APBA1: variants seen among roughly 807,000 people sequenced by gnomAD.
APBA1 encodes amyloid beta precursor protein binding family A member 1.
APBA1 carries 55 observed loss-of-function variants against 86.6 expected under a neutral mutation model. The ratio of observed to expected loss-of-function variants is 0.64; its 90% CI spans 0.51 to 0.80. The LOEUF is 0.80. APBA1 is among the 30% of genes least tolerant of loss of function. The pLI is 0.00. For synonymous variants in APBA1, 511 were observed against 493.9 expected, an observed-to-expected ratio of 1.03 and a Z score of -0.46; for missense variants, 1,090 against 1,183.0, an observed-to-expected ratio of 0.92 and a Z score of 1.15.
In APBA1 at chr9:69,516,679, C is replaced by T. The variant is rs1488264997; in HGVS notation, c.532G>A (p.Gly178Ser). 1.2e-6 allele frequency: 2 copies of T among 1,609,976 alleles called. No homozygotes were observed. The highest frequency in any genetic ancestry group is 1.3e-5 in the African/African-American group (1 of 74,896). Residue 178 changes from glycine (G) to serine (S), a missense_variant, in exon 2 of 13, where the codon GGT (glycine) becomes AGT (serine). Coordinates refer to ENST00000265381, the MANE Select transcript of APBA1 (RefSeq NM_001163.4). This position sits in a 1 kb window ranked among gnomAD's most constrained non-coding sequence, Gnocchi z 7.3. ...GGCTCGGAGTAGGGCTCGTCCTCAC[C>T]GCGGTGGAAGAGCCGGTGCGTGTAG... ...YVYTHRLFHR[G>S]EDEPYSEPYA...
intron 1 of APBA1, among the ~76,000 whole-genome samples, chr9:69,651,137 T>C (rs1279451290): frequency 1.3e-5 from 2 of 152,226 alleles, no homozygotes; most frequent in Non-Finnish European, 2.9e-5. Flanking sequence ...TTACAGATAT[T>C]TTGTAAAGTC....
At chr9:69,642,840 C>T (rs1564100692) in intron 1 of APBA1, among the ~76,000 whole-genome samples, 1 of 151,954 alleles carries the variant, frequency 6.6e-6, no homozygotes, top group Admixed American at 6.6e-5. Context: ...GGAATTCTCC[C>T]AGCAGACTGC....
At chr9:69,464,900 A>C (rs1430224253) in intron 5 of APBA1, 1 of 152,188 alleles carries the variant, frequency 6.6e-6, no homozygotes, top group East Asian at 1.9e-4. Context: ...CTAATAAACA[A>C]GGTGTCCCAA....
chr9:69,444,494 G>A (rs1834876301), intron 10 of APBA1, among the ~76,000 whole-genome samples: 1 of 152,202 alleles, frequency 6.6e-6, no homozygotes, highest in South Asian at 2.1e-4. Context: ...GAAGCCCTTT[G>A]CTGGCCCTTC....
At chr9:69,517,464 A>G (rs189696616) in intron 1 of APBA1, among the ~76,000 whole-genome samples, 185 bp from the exon 2 acceptor site, 2 of 152,286 alleles carry the variant, frequency 1.3e-5, no homozygotes, top group African/African-American at 2.4e-5. Context: ...TTGTAATTAC[A>G]TATCTACTTG....
At chr9:69,487,407 T>A (rs1835629648) in intron 2 of APBA1, among the ~76,000 whole-genome samples, 2 of 152,162 alleles carry the variant, frequency 1.3e-5, no homozygotes. Context: ...ACTGTCTCAG[T>A]TGCTGCAGGA....
At chr9:69,632,844 G>T (rs1321131820) in intron 1 of APBA1, among the ~76,000 whole-genome samples, 3 of 152,100 alleles carry the variant, frequency 2.0e-5, no homozygotes, top group Admixed American at 2.0e-4. Context: ...TGATCCAAAC[G>T]AATGATATTC....
At chr9:69,635,758 T>C (rs1036641907) in intron 1 of APBA1, among the ~76,000 whole-genome samples, 2 of 152,166 alleles carry the variant, frequency 1.3e-5, no homozygotes, top group African/African-American at 4.8e-5. Context: ...AAGGTCACTA[T>C]ATAATGATAA....
At chr9:69,577,481 A>T (rs897521987) in intron 1 of APBA1, among the ~76,000 whole-genome samples, 2 of 152,192 alleles carry the variant, frequency 1.3e-5, no homozygotes, top group African/African-American at 4.8e-5. Flanking sequence ...AGTTTCCCTC[A>T]AGACCACCAT....
intron 8 of APBA1, among the ~76,000 whole-genome samples, chr9:69,454,574 A>G (rs757861221): frequency 2.6e-5 from 4 of 152,194 alleles, no homozygotes; most frequent in Non-Finnish European, 5.9e-5. Flanking sequence ...AGCTTGCCCA[A>G]TTCTGGAGCC....
intron 8 of APBA1, among the ~76,000 whole-genome samples, chr9:69,453,151 TTTATA>T (rs535463553): frequency 5.1e-4 from 77 of 152,382 alleles, no homozygotes; most frequent in African/African-American, 1.7e-3. Context: ...TTATCTTTCC[TTTATA>T]TTATATTTAT....
At chr9:69,439,781 CT>C (rs1462220127) in intron 11 of APBA1, among the ~76,000 whole-genome samples, 1 of 152,234 alleles carries the variant, frequency 6.6e-6, no homozygotes, top group Non-Finnish European at 1.5e-5. Flanking sequence ...CTTCTCTCAA[CT>C]CGTCAAAGTC....
intron 1 of APBA1, among the ~76,000 whole-genome samples, chr9:69,659,480 T>G (rs1405676590): frequency 2.0e-5 from 3 of 152,154 alleles, no homozygotes; most frequent in African/African-American, 7.2e-5. Context: ...TGCCTACCCA[T>G]CACATCACCA....
chr9:69,668,917 C>T (rs1394981014), intron 1 of APBA1, among the ~76,000 whole-genome samples: 1 of 152,194 alleles, frequency 6.6e-6, no homozygotes, highest in African/African-American at 2.4e-5. Flanking sequence ...TCAGAAGTCA[C>T]TTTGTACCCT....
intron 1 of APBA1, among the ~76,000 whole-genome samples, chr9:69,603,793 T>C (rs754789445): frequency 2.0e-5 from 3 of 152,244 alleles, no homozygotes; most frequent in Admixed American, 6.5e-5. Context: ...TTAACAATTA[T>C]GCTGAGAGAG....
At chr9:69,629,494 A>T (rs1303740885) in intron 1 of APBA1, among the ~76,000 whole-genome samples, 1 of 152,232 alleles carries the variant, frequency 6.6e-6, no homozygotes, top group Non-Finnish European at 1.5e-5. Context: ...AACAAGTTGC[A>T]TAAGATGAAG....
intron 2 of APBA1, chr9:69,494,574 A>G (rs1175936151): frequency 6.6e-6 from 1 of 152,178 alleles, no homozygotes; most frequent in Non-Finnish European, 1.5e-5. Flanking sequence ...AACACAGGTT[A>G]TCTCTTCCCC....
chr9:69,461,970 A>T (rs186437390), intron 5 of APBA1: 1 of 152,356 alleles, frequency 6.6e-6, no homozygotes, highest in Admixed American at 6.5e-5. Flanking sequence ...AATGATAGAC[A>T]TTTTACTTCT....
intron 1 of APBA1, among the ~76,000 whole-genome samples, chr9:69,560,140 CCAAAT>C (rs1836926087): frequency 6.6e-6 from 1 of 152,224 alleles, no homozygotes; most frequent in Non-Finnish European, 1.5e-5. Context: ...AAGGGACTCT[CCAAAT>C]CAAACAGCTG....
Sources: allele counts gnomAD v4.1 joint callset (sites outside exome capture counted in the v4.1 genomes callset), GRCh38; gene constraint gnomAD v4.1.1; non-coding constraint Gnocchi (gnomAD v3.1); transcripts MANE v1.5; gene names NCBI Gene and HGNC (gene_info 2026-07-23, HGNC 2026-07-21).